C5: variants seen among roughly 807,000 people sequenced by gnomAD.
The protein encoded by C5 is complement C5, also known as C3 and PZP-like alpha-2-macroglobulin domain-containing protein 4.
A neutral mutation model predicts 218.8 loss-of-function variants in C5; 140 were observed. The ratio of observed to expected loss-of-function variants is 0.64; its 90% CI spans 0.56 to 0.74. The LOEUF (loss-of-function observed/expected upper bound fraction) is 0.74, where lower values mean the gene tolerates loss of function less well. Among genes scored for constraint, C5 ranks in the 30% least tolerant of loss-of-function variants. The pLI, the probability that C5 is intolerant of heterozygous loss-of-function variation, is 0.00. For synonymous variants in C5, 614 were observed against 682.3 expected (o/e 0.90, Z 1.56); for missense variants, 1,700 against 1,969.6 (o/e 0.86, Z 2.59).
Position 120,974,856 on chromosome 9 carries a change from C to T in C5, c.3940G>A (p.Asp1314Asn), listed in dbSNP as rs771283592. The T allele has an allele frequency of 1.0e-4, 165 of 1,613,762 alleles. No individual in the cohort carries two copies. Among genetic ancestry groups the T allele is most frequent in the Middle Eastern group, 9.9e-4 (6 of 6,084 alleles). The part of the protein sequence containing the change: ...VKQLRLSMDI[D>N]VSYKHKGALH... ...GCACCTTTATGCTTGTAAGAAACAT[C>T]GATGTCCATACTCAAGCGGAGTTGT... is the stretch of plus-strand genomic sequence containing the variant. The change falls in exon 30 of 41, where the codon GAT becomes AAT. Residue 1314 changes from aspartate (D) to asparagine (N), a missense_variant. Physicochemically the swap from Asp to Asn is conservative, Grantham distance 23. Transcript: ENST00000223642.
chr9:120,991,450 A>T (rs1231049532), intron 22 of C5, among the ~76,000 whole-genome samples, 170 bp from the exon 23 acceptor site: 1 of 152,196 alleles, frequency 6.6e-6, no homozygotes, highest in East Asian at 1.9e-4. Flanking sequence ...ATCAAACCCT[A>T]GGCTTGTATA....
At chr9:121,056,746 C>A in the C5 span, among the ~76,000 whole-genome samples, 1 of 151,416 alleles carries the variant, frequency 6.6e-6, no homozygotes, top group South Asian at 2.1e-4. Flanking sequence ...CTCAAAAGAG[C>A]AAATTTAAGA....
chr9:121,037,999 A>G, intron 3 of C5, 48 bp from the exon 4 acceptor site: 1 of 884,630 alleles, frequency 1.1e-6, no homozygotes, highest in African/African-American at 1.7e-5. Context: ...AAACAAGGAT[A>G]TTTTGATTTT....
At chr9:121,037,392 C>T (rs565718966) in intron 4 of C5, among the ~76,000 whole-genome samples, 15 of 151,100 alleles carry the variant, frequency 9.9e-5, no homozygotes, top group Non-Finnish European at 1.9e-4. Flanking sequence ...CGGCTCACTG[C>T]AAGCTCTGCC....
chr9:120,975,370 TTATAGTTTATTGTTGG>T (rs1564136684), intron 29 of C5, among the ~76,000 whole-genome samples: 1 of 152,164 alleles, frequency 6.6e-6, no homozygotes. Context: ...ATGCTTTTAT[TTATAGTTTATTGTTGG>T]CCTACCCCAC....
rs1356095063 is a variant in C5 at position 121,025,550 on chromosome 9, C to T, written c.904G>A (p.Asp302Asn). ...LINGIAQVTF[D>N]SETAVKELSY... Reference sequence around the variant, plus strand: ...AGTTCTTTGACTGCTGTTTCAGAATCAAATGTGACTTGAGCAATTCCATTT... The same window carrying T: ...AGTTCTTTGACTGCTGTTTCAGAATTAAATGTGACTTGAGCAATTCCATTT... The change falls in exon 9 of 41, where the codon GAT becomes AAT. Residue 302 changes from aspartate (D) to asparagine (N), a missense_variant. Coordinates refer to ENST00000223642, the MANE Select transcript of C5 (RefSeq NM_001735.3). 8.1e-6 allele frequency: 13 copies of T among 1,612,694 alleles called. No homozygotes were observed. The highest frequency in any genetic ancestry group is 1.7e-5 in the Admixed American group (1 of 59,968).
chr9:121,037,275 G>A (rs1424264403), intron 4 of C5, among the ~76,000 whole-genome samples: 2 of 149,610 alleles, frequency 1.3e-5, no homozygotes, highest in African/African-American at 2.4e-5. Context: ...AATTCTTAGT[G>A]ATTGGTGGGT....
At chr9:120,991,442 C>T (rs1458012922) in intron 22 of C5, among the ~76,000 whole-genome samples, 162 bp from the exon 23 acceptor site, 2 of 152,130 alleles carry the variant, frequency 1.3e-5, no homozygotes, top group Non-Finnish European at 2.9e-5. Flanking sequence ...GGACTTTAAT[C>T]AAACCCTAGG....
intron 29 of C5, among the ~76,000 whole-genome samples, chr9:120,975,273 CACA>C (rs772857189): frequency 2.6e-5 from 4 of 152,166 alleles, no homozygotes; most frequent in African/African-American, 9.7e-5. Context: ...TAAGTATCTC[CACA>C]ACAAGGCCAT....
rs2046956285 is a variant in C5, at chr9:120,976,761, T to A, written c.3803A>T (p.Asn1268Ile). The change falls in exon 29 of 41, where the codon AAC (asparagine) becomes ATC (isoleucine). Residue 1268 changes from asparagine (N) to isoleucine (I), a missense_variant. Coordinates refer to ENST00000223642, the MANE Select transcript of C5 (RefSeq NM_001735.3). Reference sequence around the variant, plus strand: ...TTCTGATAGCCATTTGATGACTGGGTTAACATAATTTATATCTTTCAAGTT... The same window carrying A: ...TTCTGATAGCCATTTGATGACTGGGATAACATAATTTATATCTTTCAAGTT... ...SLNLKDINYV[N>I]PVIKWLSEEQ... 6.2e-7 allele frequency: 1 copy of A among 1,614,124 alleles called. No individual in the cohort carries two copies. Among genetic ancestry groups the A allele is most frequent in the African/African-American group, 1.3e-5 (1 of 75,020 alleles).
chr9:120,967,026 A>G (rs2046873473), intron 33 of C5, among the ~76,000 whole-genome samples: 2 of 151,964 alleles, frequency 1.3e-5, no homozygotes, highest in East Asian at 1.9e-4. Flanking sequence ...TTGGGAGGCT[A>G]AGGTGGGCAG....
chr9:120,961,335 A>G, intron 37 of C5, 147 bp downstream of exon 37: 3 of 680,958 alleles, frequency 4.4e-6, no homozygotes, highest in Admixed American at 2.1e-5. Context: ...ACAATGCTCA[A>G]GGAATCATTA....
chr9:121,023,030 A>G (rs1301083321), intron 10 of C5, among the ~76,000 whole-genome samples: 1 of 152,202 alleles, frequency 6.6e-6, no homozygotes, highest in Non-Finnish European at 1.5e-5. Flanking sequence ...TTTTCAAGGA[A>G]TGATATCTCC....
At chr9:120,962,851 A>G (rs751384128) in intron 35 of C5, 42 bp downstream of exon 35, 1 of 1,601,528 alleles carries the variant, frequency 6.2e-7, no homozygotes, top group African/African-American at 1.3e-5. Context: ...GTATATTTTG[A>G]ATAGTAATAG....
intron 1 of C5, among the ~76,000 whole-genome samples, chr9:121,048,155 A>T (rs2047643505): frequency 2.0e-5 from 3 of 152,194 alleles, no homozygotes; most frequent in Non-Finnish European, 4.4e-5. Context: ...AATTAGAAAA[A>T]TTTAGGGATA....
At chr9:120,991,381 A>G (rs1174577709) in intron 22 of C5, 101 bp from the exon 23 acceptor site, 1 of 752,798 alleles carries the variant, frequency 1.3e-6, no homozygotes, top group South Asian at 1.5e-5. Context: ...TCAAAATAAA[A>G]GACTTATAAT....
At chr9:121,025,673 G>T in intron 8 of C5, 93 bp from the exon 9 acceptor site, 2 of 1,233,222 alleles carry the variant, frequency 1.6e-6, no homozygotes, top group Non-Finnish European at 2.3e-6. Context: ...CTAAATTGAA[G>T]GTAAATGTCA....
At chr9:120,981,230 T>C (rs1476086292) in intron 27 of C5, among the ~76,000 whole-genome samples, 1 of 152,228 alleles carries the variant, frequency 6.6e-6, no homozygotes, top group Non-Finnish European at 1.5e-5. Context: ...GATTATTTTG[T>C]CTTGTTAAGC....
intron 20 of C5, among the ~76,000 whole-genome samples, chr9:121,004,176 G>C (rs534978725): frequency 6.6e-6 from 1 of 151,996 alleles, no homozygotes; most frequent in East Asian, 1.9e-4. Flanking sequence ...GCCGAGAAGA[G>C]AATTTTTAAA....
Sources: gnomAD v4.1 joint callset for allele counts (sites outside exome capture counted in the v4.1 genomes callset) on GRCh38, gnomAD v4.1.1 for gene constraint, MANE v1.5 for transcripts, NCBI Gene and HGNC (gene_info 2026-07-23, HGNC 2026-07-21) for gene names.